INPP5A: variants seen among roughly 807,000 people sequenced by gnomAD.
The protein encoded by INPP5A is 43 kDa inositol polyphosphate 5-phophatase.
In INPP5A, 14 loss-of-function variants were observed where a neutral mutation model predicts 65.2. The observed-to-expected ratio is 0.21, with a 90% CI of 0.14 to 0.34. The LOEUF is 0.34. INPP5A is among the 10% of genes least tolerant of loss of function. INPP5A has a pLI of 1.00. For synonymous variants in INPP5A, 207 were observed against 208.3 expected, an observed-to-expected ratio of 0.99 and a Z score of 0.05; for missense variants, 431 against 545.6, an observed-to-expected ratio of 0.79 and a Z score of 2.09.
intron 7 of INPP5A, among the ~76,000 whole-genome samples, chr10:132,709,156 T>C (rs1254610914): frequency 6.7e-6 from 1 of 149,194 alleles, no homozygotes; most frequent in Admixed American, 6.7e-5. Flanking sequence ...CCGAGCTCAC[T>C]GGGGCTGTGG....
At chr10:132,576,231 G>A (rs1236038695) in intron 1 of INPP5A, among the ~76,000 whole-genome samples, 1 of 152,210 alleles carries the variant, frequency 6.6e-6, no homozygotes, top group Non-Finnish European at 1.5e-5. Flanking sequence ...GCCAGAGGTG[G>A]GAGGTGCTGG....
rs1052476372 is a variant in INPP5A, at chr10:132,550,104, C to T, written c.75+11933C>T. Among the ~76,000 whole-genome samples the T allele has an allele frequency of 1.9e-4, 29 of 151,514 alleles. No homozygotes were observed. The highest frequency in any genetic ancestry group is 4.2e-4 in the South Asian group (2 of 4,790). On this transcript the variant is annotated intron_variant, in intron 1 of 15. Transcript: ENST00000368594. This position sits in a 1 kb window ranked among gnomAD's most constrained non-coding sequence, Gnocchi z 4.2. ...GATGGGGTCAGCCTCGAGTTACTAA[C>T]CGGGCATTAGGGGATGGGGTCAGGC...
At chr10:132,763,805 GC>G (rs1846780786) in intron 11 of INPP5A, among the ~76,000 whole-genome samples, 1 of 152,014 alleles carries the variant, frequency 6.6e-6, no homozygotes, top group South Asian at 2.1e-4. Context: ...AAACACACAT[GC>G]CTGTACACGC....
At chr10:132,710,542 G>T (rs1845616876) in intron 8 of INPP5A, 86 bp downstream of exon 8, 6 of 1,539,670 alleles carry the variant, frequency 3.9e-6, no homozygotes, top group Non-Finnish European at 5.3e-6. Flanking sequence ...GGTGTGGGCG[G>T]ACAAGTAGGT....
chr10:132,747,230 G>A (rs1846386249), intron 9 of INPP5A, among the ~76,000 whole-genome samples: 1 of 152,268 alleles, frequency 6.6e-6, no homozygotes. Context: ...GGACACAGGG[G>A]TGGGCAGGGT....
chr10:132,619,655 C>G (rs1468713316), intron 2 of INPP5A, among the ~76,000 whole-genome samples: 1 of 152,216 alleles, frequency 6.6e-6, no homozygotes, highest in Non-Finnish European at 1.5e-5. Flanking sequence ...ACCCCTGCAG[C>G]AGGCTTTTGC....
intron 8 of INPP5A, among the ~76,000 whole-genome samples, chr10:132,718,634 T>C (rs1008431338): frequency 8.5e-6 from 1 of 118,246 alleles, no homozygotes; most frequent in African/African-American, 3.2e-5. Context: ...TGGTGCCTGG[T>C]TTCTGTCTGG....
intron 5 of INPP5A, among the ~76,000 whole-genome samples, chr10:132,696,792 A>G (rs1192045104): frequency 1.3e-5 from 2 of 152,110 alleles, no homozygotes. Flanking sequence ...GGGTCACAGC[A>G]CCCAGGGCCA....
rs546408719 is a variant in INPP5A at position 132,659,960 on chromosome 10, C to T, written c.306+9455C>T. ...CAACACATGACACGCGGCATACTCC[C>T]TGTGACATGGCACATGACACGTGAC... On this transcript the variant is annotated intron_variant, in intron 4 of 15. Transcript: ENST00000368594. This position sits in a 1 kb window ranked among gnomAD's most constrained non-coding sequence, Gnocchi z 5.5. 6.6e-6 allele frequency among the ~76,000 whole-genome samples: 1 copy of T among 152,390 alleles called. No homozygotes were observed. The highest frequency in any genetic ancestry group is 2.1e-4 in the South Asian group (1 of 4,834).
intron 11 of INPP5A, among the ~76,000 whole-genome samples, chr10:132,757,892 T>C (rs75845860): frequency 2.1e-4 from 27 of 130,938 alleles, no homozygotes; most frequent in African/African-American, 3.5e-4. Flanking sequence ...GGTCCCCGGC[T>C]GACCCCACAG....
intron 4 of INPP5A, among the ~76,000 whole-genome samples, chr10:132,658,377 T>A (rs984956046): frequency 3.9e-5 from 6 of 152,252 alleles, no homozygotes; most frequent in Admixed American, 3.9e-4. Flanking sequence ...ATTGATGGAT[T>A]GATGTTTGAC....
chr10:132,739,332 C>T (rs1846233278), intron 9 of INPP5A, among the ~76,000 whole-genome samples: 2 of 152,252 alleles, frequency 1.3e-5, no homozygotes, highest in Non-Finnish European at 2.9e-5. Context: ...TTTCCCACGC[C>T]AAGTCTGGCC....
Position 132,644,553 on chromosome 10 carries a change from C to T in INPP5A, c.118-1315C>T, listed in dbSNP as rs1414395701. On this transcript the variant is annotated intron_variant, in intron 2 of 15. Coordinates refer to ENST00000368594, the MANE Select transcript of INPP5A (RefSeq NM_005539.5). The surrounding 1 kb of genome is among the most constrained non-coding windows in gnomAD (Gnocchi z 6.5). ...GAGGTGGGCCATGCCCACAGCTCCA[C>T]CTGGCTCACAGTGAGTGCCGTGTCG... Among the ~76,000 whole-genome samples the T allele has an allele frequency of 1.3e-5, 2 of 152,384 alleles. No individual in the cohort carries two copies. Among genetic ancestry groups the T allele is most frequent in the East Asian group, 3.9e-4 (2 of 5,190 alleles).
chr10:132,700,097 C>A, intron 6 of INPP5A, among the ~76,000 whole-genome samples: 1 of 152,194 alleles, frequency 6.6e-6, no homozygotes, highest in East Asian at 1.9e-4. Flanking sequence ...CAGCCTCAGG[C>A]CCGGTTTGTA....
At chr10:132,570,052 A>G (rs568673920) in intron 1 of INPP5A, among the ~76,000 whole-genome samples, 19 of 140,892 alleles carry the variant, frequency 1.3e-4, no homozygotes, top group Admixed American at 4.5e-4. Context: ...CACTCACCTC[A>G]GTCTCCCAAA....
chr10:132,629,095 A>G (rs2072231379), intron 2 of INPP5A, among the ~76,000 whole-genome samples: 1 of 152,232 alleles, frequency 6.6e-6, no homozygotes, highest in Non-Finnish European at 1.5e-5. Flanking sequence ...CAGCTGAAGC[A>G]GCACCTGGCA....
intron 5 of INPP5A, among the ~76,000 whole-genome samples, chr10:132,691,867 T>C (rs1845271672): frequency 6.8e-6 from 1 of 147,626 alleles, no homozygotes; most frequent in Non-Finnish European, 1.5e-5. Context: ...AGACGTGTGG[T>C]CGCGGGAGAC....
chr10:132,537,883 G>A lies in INPP5A; in HGVS notation c.-214G>A, dbSNP rs1159215653. 3 of 322,982 alleles carry A rather than the reference G, an allele frequency of 9.3e-6. No homozygotes were observed. The highest frequency in any genetic ancestry group is 1.7e-5 in the Non-Finnish European group (3 of 177,822). The allele number at this position is 322,982 out of a possible 1,614,324, so 20.0% of individuals were successfully genotyped here. A position where few individuals can be genotyped will look rare whatever the true frequency, so the allele number is the denominator to read the frequency against. On this transcript the variant is annotated 5_prime_UTR_variant, in exon 1 of 16. Transcript: ENST00000368594. ...GCTGTGAGGCGCGGCGGCGAGCGAC[G>A]GGCGCGGGGCCGCGGAGCAGCGAGC... is the stretch of plus-strand genomic sequence containing the variant.
intron 2 of INPP5A, among the ~76,000 whole-genome samples, chr10:132,622,262 A>G (rs1217539983): frequency 3.9e-5 from 6 of 152,064 alleles, no homozygotes; most frequent in South Asian, 2.1e-4. Flanking sequence ...TACCATGTTC[A>G]TGGATTGGAA....
Sources: gnomAD v4.1 joint callset for allele counts (sites outside exome capture counted in the v4.1 genomes callset) on GRCh38, gnomAD v4.1.1 for gene constraint, Gnocchi (gnomAD v3.1) non-coding constraint, MANE v1.5 for transcripts, NCBI Gene and HGNC (gene_info 2026-07-23, HGNC 2026-07-21) for gene names.